The following SPTLC3 variants were observed in gnomAD, a reference collection of about 807,000 sequenced individuals.
SPTLC3 encodes the protein serine palmitoyltransferase 3.
A neutral mutation model predicts 59.3 loss-of-function variants in SPTLC3; 36 were observed. The ratio of observed to expected loss-of-function variants is 0.61; its 90% CI spans 0.47 to 0.80. The LOEUF (loss-of-function observed/expected upper bound fraction) is 0.80, where lower values mean the gene tolerates loss of function less well. Among genes scored for constraint, SPTLC3 ranks in the 30% least tolerant of loss-of-function variants. The pLI is 0.00. For missense variants in SPTLC3, 625 were observed against 685.1 expected, an observed-to-expected ratio of 0.91 and a Z score of 0.98; for synonymous variants, 257 against 240.8, an observed-to-expected ratio of 1.07 and a Z score of -0.62.
intron 3 of SPTLC3, 106 bp from the exon 4 acceptor site, chr20:13,074,243 C>T (rs1023001469): frequency 9.1e-6 from 13 of 1,423,278 alleles, no homozygotes; most frequent in Non-Finnish European, 1.2e-5. Flanking sequence ...TTGGTCACCT[C>T]ATCCTCTTTT....
chr20:13,099,874 C>A (rs1222657994), intron 6 of SPTLC3, among the ~76,000 whole-genome samples: 1 of 152,222 alleles, frequency 6.6e-6, no homozygotes, highest in Non-Finnish European at 1.5e-5. Context: ...GCATGACACA[C>A]ACAACCAGTC....
chr20:13,065,530 T>C (rs1988169737), intron 2 of SPTLC3, among the ~76,000 whole-genome samples: 1 of 152,008 alleles, frequency 6.6e-6, no homozygotes, highest in Non-Finnish European at 1.5e-5. Context: ...ATGTATTCTA[T>C]TAACACTTAT....
At chr20:13,136,366 G>A (rs1360594249) in intron 9 of SPTLC3, among the ~76,000 whole-genome samples, 2 of 152,046 alleles carry the variant, frequency 1.3e-5, no homozygotes, top group African/African-American at 2.4e-5. Flanking sequence ...CGAGGCCAAG[G>A]CAGGTGGATC....
intron 2 of SPTLC3, among the ~76,000 whole-genome samples, chr20:13,053,075 C>T (rs1987564597): frequency 1.3e-5 from 2 of 152,224 alleles, no homozygotes; most frequent in Admixed American, 6.5e-5. Context: ...AAGTGGATCC[C>T]TGACCCCCAG....
At chr20:13,064,673 T>G (rs1448793975) in intron 2 of SPTLC3, among the ~76,000 whole-genome samples, 4 of 152,238 alleles carry the variant, frequency 2.6e-5, no homozygotes, top group Admixed American at 2.6e-4. Flanking sequence ...TCTACAAGTT[T>G]TTAGATAATT....
At chr20:13,149,780 G>T (rs2038601579) in intron 9 of SPTLC3, among the ~76,000 whole-genome samples, 1 of 152,246 alleles carries the variant, frequency 6.6e-6, no homozygotes, top group Non-Finnish European at 1.5e-5. Context: ...ATTAGCTGAT[G>T]ATCCAGTTTC....
chr20:13,095,583 A>C (rs1487046718), intron 6 of SPTLC3, among the ~76,000 whole-genome samples: 4 of 152,314 alleles, frequency 2.6e-5, no homozygotes, highest in African/African-American at 9.6e-5. Flanking sequence ...CCTATTCTCC[A>C]GCTTAAGGCT....
In SPTLC3 at chr20:13,167,557, C is replaced by A. The variant is rs1192253094; in HGVS notation, c.*2690C>A. ...AAATGGAAGATGTTCTTGAAAATGA[C>A]CTCAGGAAAGCAGAAGATAAAGGTT... On this transcript the variant is annotated 3_prime_UTR_variant, in exon 12 of 12. Coordinates refer to ENST00000399002, the MANE Select transcript of SPTLC3 (RefSeq NM_018327.4). 1.3e-5 allele frequency: 2 copies of A among 152,106 alleles called. No individual in the cohort carries two copies. Among genetic ancestry groups the A allele is most frequent in the Admixed American group, 1.3e-4 (2 of 15,266 alleles). 9.4% of individuals were successfully genotyped at this position (152,106 alleles called of 1,614,324 possible). A position where few individuals can be genotyped will look rare whatever the true frequency, so the allele number is the denominator to read the frequency against.
chr20:13,119,399 C>G, intron 8 of SPTLC3, among the ~76,000 whole-genome samples: 1 of 152,184 alleles, frequency 6.6e-6, no homozygotes, highest in East Asian at 1.9e-4. Context: ...CTCTCTCATG[C>G]TCTCCATTCT....
intron 4 of SPTLC3, among the ~76,000 whole-genome samples, chr20:13,083,913 C>T (rs888647173): frequency 7.2e-5 from 11 of 152,110 alleles, no homozygotes; most frequent in African/African-American, 2.7e-4. Context: ...TGTCTCTGTC[C>T]TATGTTGGAG....
intron 6 of SPTLC3, among the ~76,000 whole-genome samples, chr20:13,099,751 C>T (rs1352844450): frequency 6.6e-6 from 1 of 152,150 alleles, no homozygotes; most frequent in East Asian, 1.9e-4. Flanking sequence ...TCTGCTATTC[C>T]CAAGATAATA....
At chr20:13,074,288 T>C in intron 3 of SPTLC3, 61 bp from the exon 4 acceptor site, 2 of 1,587,664 alleles carry the variant, frequency 1.3e-6, no homozygotes, top group Non-Finnish European at 1.7e-6. Context: ...ACCAGGGATT[T>C]TTTGAATCGT....
intron 9 of SPTLC3, among the ~76,000 whole-genome samples, chr20:13,148,437 A>G (rs944587269): frequency 7.2e-5 from 11 of 152,126 alleles, no homozygotes; most frequent in African/African-American, 2.7e-4. Context: ...GTCGACAGGG[A>G]GGTTGATCTT....
At chr20:13,025,054 G>A (rs1986075716) in intron 1 of SPTLC3, among the ~76,000 whole-genome samples, 1 of 152,092 alleles carries the variant, frequency 6.6e-6, no homozygotes, top group Admixed American at 6.6e-5. Flanking sequence ...ACAAGCAAAG[G>A]CACTCCTTTC....
intron 8 of SPTLC3, 87 bp from the exon 9 acceptor site, chr20:13,126,504 G>T: frequency 6.8e-7 from 1 of 1,463,288 alleles, no homozygotes; most frequent in Non-Finnish European, 9.2e-7. Flanking sequence ...CTTTTGCTAT[G>T]AGGATAGGGA....
chr20:13,133,357 G>A (rs919016222), intron 9 of SPTLC3, among the ~76,000 whole-genome samples: 3 of 151,766 alleles, frequency 2.0e-5, no homozygotes, highest in African/African-American at 4.8e-5. Flanking sequence ...GAGAATCACT[G>A]CTGCATAATG....
intron 1 of SPTLC3, among the ~76,000 whole-genome samples, chr20:13,028,678 A>G (rs1986279487): frequency 6.6e-6 from 1 of 151,468 alleles, no homozygotes; most frequent in Admixed American, 6.6e-5. Flanking sequence ...AGACTAACCA[A>G]CAAGTAGATA....
intron 4 of SPTLC3, among the ~76,000 whole-genome samples, chr20:13,075,854 T>C (rs961412987): frequency 6.6e-6 from 1 of 152,172 alleles, no homozygotes; most frequent in Non-Finnish European, 1.5e-5. Flanking sequence ...TGAGACAGAA[T>C]GCTGCCTACA....
At chr20:13,147,196 T>G (rs2038534343) in intron 9 of SPTLC3, among the ~76,000 whole-genome samples, 1 of 152,100 alleles carries the variant, frequency 6.6e-6, no homozygotes. Flanking sequence ...GGAACATGTG[T>G]ATGTGACTAT....
Sources: gnomAD v4.1 joint callset for allele counts (sites outside exome capture counted in the v4.1 genomes callset) on GRCh38, gnomAD v4.1.1 for gene constraint, MANE v1.5 for transcripts, NCBI Gene and HGNC (gene_info 2026-07-23, HGNC 2026-07-21) for gene names.